CSGALNACT1: variants seen among roughly 807,000 people sequenced by gnomAD.
CSGALNACT1 encodes chondroitin sulfate N-acetylgalactosaminyltransferase 1.
Under a neutral mutation model 51.0 loss-of-function variants are expected in CSGALNACT1, and 52 were observed. The observed-to-expected ratio is 1.02, with a 90% CI of 0.82 to 1.29. The LOEUF is 1.29. CSGALNACT1 is among the 50% of genes most tolerant of loss of function. The pLI, the probability that CSGALNACT1 is intolerant of heterozygous loss-of-function variation, is 0.00. For synonymous variants in CSGALNACT1, 341 were observed against 254.4 expected (o/e 1.34, Z -3.24); for missense variants, 935 against 679.2 (o/e 1.38, Z -4.19).
At chr8:19,655,243 C>A (rs149497856) in intron 1 of CSGALNACT1, among the ~76,000 whole-genome samples, 2 of 152,282 alleles carry the variant, frequency 1.3e-5, no homozygotes, top group African/African-American at 4.8e-5. Context: ...GGCACTGAGA[C>A]ACCAACAAAT....
intron 5 of CSGALNACT1, chr8:19,457,899 A>G: frequency 1.2e-6 from 1 of 857,524 alleles, no homozygotes; most frequent in Non-Finnish European, 1.7e-6. Flanking sequence ...TTCTACACTT[A>G]AGTCTAAGAT....
At chr8:19,682,721 A>G (rs1369159015), upstream of CSGALNACT1, 5 of 453,996 alleles carry the variant, frequency 1.1e-5, no homozygotes, top group African/African-American at 6.0e-5. Context: ...GGCCACACCA[A>G]TGCACAGCCT....
At chr8:19,672,280 T>A (rs1224295057) in intron 1 of CSGALNACT1, among the ~76,000 whole-genome samples, 3 of 152,176 alleles carry the variant, frequency 2.0e-5, no homozygotes, top group Admixed American at 1.3e-4. Flanking sequence ...GAACTCTTCC[T>A]TAGACGCCTA....
chr8:19,541,687 C>G (rs563658350), intron 3 of CSGALNACT1, among the ~76,000 whole-genome samples: 1 of 151,076 alleles, frequency 6.6e-6, no homozygotes, highest in Admixed American at 6.6e-5. Flanking sequence ...AGGCCTGAGC[C>G]ACTGCACCTG....
intron 1 of CSGALNACT1, among the ~76,000 whole-genome samples, chr8:19,748,455 A>T (rs12544497): frequency 6.6e-6 from 1 of 152,046 alleles, no homozygotes; most frequent in African/African-American, 2.4e-5. Context: ...GGCCTAAAGC[A>T]AATATAGCAT....
intron 1 of CSGALNACT1, among the ~76,000 whole-genome samples, chr8:19,609,609 A>G (rs900792553): frequency 1.3e-5 from 2 of 150,892 alleles, no homozygotes; most frequent in South Asian, 2.1e-4. Context: ...GTATGATTCC[A>G]TTCATATACA....
chr8:19,423,359 C>T (rs1379412570), intron 6 of CSGALNACT1, among the ~76,000 whole-genome samples: 1 of 152,214 alleles, frequency 6.6e-6, no homozygotes, highest in Non-Finnish European at 1.5e-5. Context: ...AATGACGAGT[C>T]TACAAGTGAT....
At chr8:19,605,748 A>C (rs1024512716), upstream of CSGALNACT1, among the ~76,000 whole-genome samples, 1 of 152,228 alleles carries the variant, frequency 6.6e-6, no homozygotes, top group African/African-American at 2.4e-5. Flanking sequence ...ACCCCCAAAG[A>C]AATGGAGTTT....
intron 1 of CSGALNACT1, among the ~76,000 whole-genome samples, chr8:19,662,937 C>T (rs2058885102): frequency 6.6e-6 from 1 of 152,110 alleles, no homozygotes; most frequent in African/African-American, 2.4e-5. Flanking sequence ...AAGGCAGAAA[C>T]CCAAACATCT....
At chr8:19,588,144 G>A (rs1411147858) in intron 3 of CSGALNACT1, 9 of 151,686 alleles carry the variant, frequency 5.9e-5, no homozygotes, top group African/African-American at 1.9e-4. Context: ...TCAGTAAGCA[G>A]AAATCACACC....
At chr8:19,436,353 C>T (rs1054323087) in intron 6 of CSGALNACT1, among the ~76,000 whole-genome samples, 1 of 152,110 alleles carries the variant, frequency 6.6e-6, no homozygotes, top group East Asian at 1.9e-4. Context: ...TGAGTCTAGA[C>T]CTTAACAGGA....
intron 1 of CSGALNACT1, among the ~76,000 whole-genome samples, chr8:19,695,079 G>T (rs1278627578): frequency 6.6e-6 from 1 of 152,106 alleles, no homozygotes; most frequent in Middle Eastern, 3.2e-3. Context: ...TCTAGTATTT[G>T]AACAGCACCC....
chr8:19,471,235 C>T (rs1379128042), intron 4 of CSGALNACT1, among the ~76,000 whole-genome samples: 11 of 152,166 alleles, frequency 7.2e-5, no homozygotes, highest in Non-Finnish European at 1.5e-4. Flanking sequence ...AAACGCACTG[C>T]GCTTGCTCAA....
chr8:19,574,811 C>T (rs571314821), intron 3 of CSGALNACT1, among the ~76,000 whole-genome samples: 1 of 152,104 alleles, frequency 6.6e-6, no homozygotes, highest in African/African-American at 2.4e-5. Flanking sequence ...ACGGGCAGAT[C>T]ACGAGGTCTC....
intron 2 of CSGALNACT1, among the ~76,000 whole-genome samples, chr8:19,599,437 G>GAA (rs2049761429): frequency 1.8e-5 from 2 of 108,968 alleles, no homozygotes; most frequent in African/African-American, 7.1e-5. Flanking sequence ...AGGAAAGGAA[G>GAA]AAAGAAAAAG....
intron 5 of CSGALNACT1, among the ~76,000 whole-genome samples, chr8:19,452,032 G>A (rs2063273489): frequency 6.6e-6 from 1 of 152,202 alleles, no homozygotes; most frequent in Non-Finnish European, 1.5e-5. Flanking sequence ...CAAACTGTGT[G>A]CCAAAAATAG....
chr8:19,514,421 A>G (rs906949929), intron 3 of CSGALNACT1, among the ~76,000 whole-genome samples: 14 of 147,784 alleles, frequency 9.5e-5, no homozygotes, highest in African/African-American at 3.5e-4. Context: ...GTCTCCAAAC[A>G]TTAATTAAAC....
intron 1 of CSGALNACT1, among the ~76,000 whole-genome samples, chr8:19,644,164 T>A (rs2057022087): frequency 6.6e-6 from 1 of 152,068 alleles, no homozygotes; most frequent in Non-Finnish European, 1.5e-5. Context: ...GAGTCTCAAG[T>A]TTGCCAATAT....
At chr8:19,605,585 T>A (rs1361778832), upstream of CSGALNACT1, among the ~76,000 whole-genome samples, 1 of 152,180 alleles carries the variant, frequency 6.6e-6, no homozygotes, top group Non-Finnish European at 1.5e-5. Flanking sequence ...AGAGCTCATG[T>A]GTCATCACCA....
Sources: gnomAD v4.1 joint callset for allele counts (sites outside exome capture counted in the v4.1 genomes callset) on GRCh38, gnomAD v4.1.1 for gene constraint, MANE v1.5 for transcripts, NCBI Gene and HGNC (gene_info 2026-07-23, HGNC 2026-07-21) for gene names.